Variants in DIAPH1 observed in about 807,000 individuals in gnomAD.
DIAPH1 encodes the protein diaphanous related formin 1.
Under a neutral mutation model 140.7 loss-of-function variants are expected in DIAPH1, and 46 were observed. That is an observed-to-expected ratio of 0.33 (90% confidence interval 0.26 to 0.42). The LOEUF (loss-of-function observed/expected upper bound fraction) is 0.42, where lower values mean the gene tolerates loss of function less well. DIAPH1 is among the 10% of genes least tolerant of loss of function. The probability of loss-of-function intolerance (pLI) is 1.00; values close to 1 mark genes in which losing one functional copy is unlikely to be tolerated. For synonymous variants in DIAPH1, 565 were observed against 551.6 expected (o/e 1.02, Z -0.34); for missense variants, 1,310 against 1,558.7 (o/e 0.84, Z 2.69).
At chr5:141,617,432 T>A (rs1486944313) in intron 1 of DIAPH1, among the ~76,000 whole-genome samples, 3 of 152,218 alleles carry the variant, frequency 2.0e-5, no homozygotes, top group Non-Finnish European at 2.9e-5. Context: ...TTAATTCTAT[T>A]TAGAATTAAA....
In DIAPH1 at chr5:141,575,031, T is replaced by C. The variant is rs187899184; in HGVS notation, c.1577A>G (p.Glu526Gly). The C allele has an allele frequency of 6.2e-6, 10 of 1,614,202 alleles. No homozygotes were observed. In the East Asian group the frequency reaches 2.2e-4, roughly 36 times the overall value. The change falls in exon 15 of 28, where the codon GAA becomes GGA. Residue 526 changes from glutamate to glycine, a missense_variant. Physicochemically the swap from Glu to Gly is moderately conservative, Grantham distance 98 (BLOSUM62 -2). Around this residue, in one of 3 missense-constraint regions of DIAPH1, gnomAD observed 589 missense variants for 549.3 expected, o/e 1.07. Coordinates refer to ENST00000389054, the MANE Select transcript of DIAPH1 (RefSeq NM_005219.5). ...TTTCTCTGTGGCAATTTGCTGCTTT[T>C]CAGAATGCAGTGCATCTTTTTCTCC... ...LQGEKDALHS[E>G]KQQIATEKQD... is the part of the protein sequence containing the mutation.
chr5:141,595,718 ATTAAACCT>A (rs1480987753), intron 1 of DIAPH1, among the ~76,000 whole-genome samples: 1 of 152,192 alleles, frequency 6.6e-6, no homozygotes, highest in Non-Finnish European at 1.5e-5. Flanking sequence ...CTGTGAGTCA[ATTAAACCT>A]CTTTCCTTTA....
chr5:141,569,638 T>C (rs1288381123), intron 18 of DIAPH1, among the ~76,000 whole-genome samples: 1 of 152,068 alleles, frequency 6.6e-6, no homozygotes, highest in East Asian at 1.9e-4. Context: ...GGTGGGTGCC[T>C]GTAATCCCAG....
chr5:141,566,377 G>A (rs1250647801), intron 18 of DIAPH1, among the ~76,000 whole-genome samples: 3 of 152,190 alleles, frequency 2.0e-5, no homozygotes, highest in Non-Finnish European at 4.4e-5. Context: ...TGAGTCAAGA[G>A]CTAAATTGTT....
At chr5:141,588,004 G>C (rs890347132) in intron 2 of DIAPH1, among the ~76,000 whole-genome samples, 2 of 152,184 alleles carry the variant, frequency 1.3e-5, no homozygotes, top group African/African-American at 4.8e-5. Context: ...AGTCAGCTTT[G>C]AGTTTAAAGA....
At chr5:141,571,514 G>A in intron 17 of DIAPH1, 78 bp from the exon 18 acceptor site, 1 of 1,294,194 alleles carries the variant, frequency 7.7e-7, no homozygotes, top group Non-Finnish European at 1.1e-6. Flanking sequence ...AATCACATAT[G>A]GTTCTTGTTA....
At chr5:141,539,433 T>TG (rs1288676529) in intron 18 of DIAPH1, among the ~76,000 whole-genome samples, 1 of 149,606 alleles carries the variant, frequency 6.7e-6, no homozygotes, top group Non-Finnish European at 1.5e-5. Flanking sequence ...TTTTTTTGTT[T>TG]TTTTTTTTTG....
intron 19 of DIAPH1, among the ~76,000 whole-genome samples, 168 bp from the exon 20 acceptor site, chr5:141,529,865 C>A (rs2099887937): frequency 1.3e-5 from 2 of 152,106 alleles, no homozygotes; most frequent in African/African-American, 2.4e-5. Context: ...GGGCGGATCG[C>A]TTGAGCCCCA....
intron 1 of DIAPH1, among the ~76,000 whole-genome samples, chr5:141,589,794 C>A (rs947866795): frequency 1.4e-4 from 22 of 152,096 alleles, no homozygotes; most frequent in Admixed American, 1.2e-3. Context: ...TTATACTTTA[C>A]CCCTCCTGCC....
rs2099885687 is a variant in DIAPH1, at chr5:141,516,407, G to C, written c.*444C>G. 1 of 239,744 alleles carries C rather than the reference G, an allele frequency of 4.2e-6. No homozygotes were observed. The allele number at this position is 239,744 out of a possible 1,614,324, so 14.9% of individuals were successfully genotyped here. A position where few individuals can be genotyped will look rare whatever the true frequency, so the allele number is the denominator to read the frequency against. On this transcript the variant is annotated 3_prime_UTR_variant, in exon 28 of 28. Coordinates refer to ENST00000389054, the MANE Select transcript of DIAPH1 (RefSeq NM_005219.5). The stretch of plus-strand genomic sequence containing the variant: ...AATGAAAGGAGGGATCTAGCCCAAA[G>C]GTTTACAAGCCCCATGCTATTCTCA...
At chr5:141,562,630 A>C (rs1055435382) in intron 18 of DIAPH1, among the ~76,000 whole-genome samples, 1 of 151,076 alleles carries the variant, frequency 6.6e-6, no homozygotes, top group African/African-American at 2.4e-5. Flanking sequence ...CAAACAAAAA[A>C]AAACAGATAA....
chr5:141,567,399 T>C (rs1223195290), intron 18 of DIAPH1, among the ~76,000 whole-genome samples: 1 of 152,206 alleles, frequency 6.6e-6, no homozygotes. Context: ...CAAGGGACTA[T>C]TATCTTGATA....
chr5:141,572,739 GC>G (rs1596377257), intron 16 of DIAPH1, among the ~76,000 whole-genome samples: 1 of 146,920 alleles, frequency 6.8e-6, no homozygotes, highest in East Asian at 2.0e-4. Context: ...CTGCACTCCA[GC>G]CTGGGCAACA....
chr5:141,578,459 GGCTGTAGA>G, intron 10 of DIAPH1, 48 bp downstream of exon 10: 1 of 1,536,342 alleles, frequency 6.5e-7, no homozygotes, highest in East Asian at 2.2e-5. Context: ...GGATTATTGG[GGCTGTAGA>G]GCAAGAAGGA....
intron 1 of DIAPH1, among the ~76,000 whole-genome samples, chr5:141,606,308 T>G (rs1199170050): frequency 6.6e-6 from 1 of 152,242 alleles, no homozygotes; most frequent in Non-Finnish European, 1.5e-5. Context: ...ATTAATAGAT[T>G]CAAATAATAT....
chr5:141,573,392 A>C (rs1224810903), intron 16 of DIAPH1, 100 bp downstream of exon 16: 2 of 1,409,774 alleles, frequency 1.4e-6, no homozygotes, highest in African/African-American at 3.0e-5. Flanking sequence ...CCGAGATCGC[A>C]CCACTGCACT....
chr5:141,515,124 C>A lies in DIAPH1; in HGVS notation c.*1727G>T, dbSNP rs530345350. 1 of 152,566 alleles carries A rather than the reference C, an allele frequency of 6.6e-6. No homozygotes were observed. The highest frequency in any genetic ancestry group is 1.5e-5 in the Non-Finnish European group (1 of 68,026). The allele number at this position is 152,566 out of a possible 1,614,324, so 9.5% of individuals were successfully genotyped here. ...CAAGGGAAATAGGTTTGCATTTTGT[C>A]CCTCACACCTCTCTCTCTCTCTCTT... On this transcript the variant is annotated 3_prime_UTR_variant, in exon 28 of 28. Coordinates refer to ENST00000389054, the MANE Select transcript of DIAPH1 (RefSeq NM_005219.5).
At chr5:141,556,210 C>T (rs770793452) in intron 18 of DIAPH1, among the ~76,000 whole-genome samples, 33 of 152,304 alleles carry the variant, frequency 2.2e-4, no homozygotes, top group Non-Finnish European at 4.1e-4. Flanking sequence ...ACATCCCCCC[C>T]GGCCCCAACA....
At chr5:141,550,669 G>GCA (rs945625662) in intron 18 of DIAPH1, among the ~76,000 whole-genome samples, 1 of 151,840 alleles carries the variant, frequency 6.6e-6, no homozygotes, top group Admixed American at 6.6e-5. Flanking sequence ...AGGCTGGAGT[G>GCA]CAGTGGCACA....
Sources: allele counts gnomAD v4.1 joint callset (sites outside exome capture counted in the v4.1 genomes callset), GRCh38; gene constraint gnomAD v4.1.1; regional missense constraint gnomAD v4.1.1; transcripts MANE v1.5; gene names NCBI Gene and HGNC (gene_info 2026-07-23, HGNC 2026-07-21).